Variants in SLC9A2 observed in about 807,000 individuals in gnomAD.
SLC9A2 encodes the protein solute carrier family 9 member A2, also known as sodium/hydrogen exchanger 2.
A neutral mutation model predicts 71.7 loss-of-function variants in SLC9A2; 42 were observed. The observed-to-expected ratio is 0.59, with a 90% confidence interval of 0.46 to 0.76. The LOEUF (loss-of-function observed/expected upper bound fraction) is 0.76, where lower values mean the gene tolerates loss of function less well. Ranked by LOEUF, SLC9A2 falls within the 30% of genes least tolerant of loss-of-function variation. The pLI is 0.00. For missense variants in SLC9A2, 829 were observed against 1,017.4 expected, an observed-to-expected ratio of 0.81 and a Z score of 2.52; for synonymous variants, 396 against 392.5, an observed-to-expected ratio of 1.01 and a Z score of -0.10.
chr2:102,680,367 G>C (rs1272414014), intron 3 of SLC9A2, among the ~76,000 whole-genome samples: 3 of 152,088 alleles, frequency 2.0e-5, no homozygotes, highest in Non-Finnish European at 2.9e-5. Flanking sequence ...AAATATGAAA[G>C]ATGAAGATTT....
At chr2:102,667,965 C>T (rs184425632) in intron 3 of SLC9A2, among the ~76,000 whole-genome samples, 2 of 152,104 alleles carry the variant, frequency 1.3e-5, no homozygotes, top group East Asian at 3.9e-4. Flanking sequence ...ATCCCAGCTA[C>T]TCAGGAGGCT....
intron 1 of SLC9A2, among the ~76,000 whole-genome samples, chr2:102,653,464 C>T (rs1676874213): frequency 6.6e-6 from 1 of 152,200 alleles, no homozygotes; most frequent in Non-Finnish European, 1.5e-5. Context: ...CTAACTGCAT[C>T]CTGCATTTAT....
intron 1 of SLC9A2, among the ~76,000 whole-genome samples, chr2:102,631,995 GATATATATAT>G (rs59553931): frequency 0.039 from 1,667 of 43,242 alleles, 151 homozygotes; most frequent in African/African-American, 0.12. Flanking sequence ...TGAAAGTGGG[GATATATATAT>G]ATATATATAT....
chr2:102,621,294 G>T (rs940919608), intron 1 of SLC9A2, among the ~76,000 whole-genome samples: 1 of 143,942 alleles, frequency 6.9e-6, no homozygotes, highest in African/African-American at 2.6e-5. Flanking sequence ...GTTGCAGTGA[G>T]CCATGAATGG....
chr2:102,624,160 C>G (rs1014000600), intron 1 of SLC9A2, among the ~76,000 whole-genome samples: 7 of 152,090 alleles, frequency 4.6e-5, no homozygotes, highest in African/African-American at 1.7e-4. Context: ...TGAGTATGTG[C>G]TTATGAAGTA....
chr2:102,641,700 C>T (rs922623291), intron 1 of SLC9A2, among the ~76,000 whole-genome samples: 8 of 151,984 alleles, frequency 5.3e-5, no homozygotes, highest in Non-Finnish European at 1.0e-4. Flanking sequence ...CTGTAAACTC[C>T]ATGAGGACAG....
At chr2:102,661,582 G>A (rs1055628674) in intron 2 of SLC9A2, among the ~76,000 whole-genome samples, 9 of 151,980 alleles carry the variant, frequency 5.9e-5, no homozygotes, top group Non-Finnish European at 1.0e-4. Context: ...TTGCACCCTT[G>A]CTTTATATGA....
chr2:102,647,559 C>A (rs1676751117), intron 1 of SLC9A2, among the ~76,000 whole-genome samples: 1 of 152,042 alleles, frequency 6.6e-6, no homozygotes, highest in East Asian at 1.9e-4. Context: ...AATCCAGAAA[C>A]TGGTTTTTTG....
intron 1 of SLC9A2, among the ~76,000 whole-genome samples, chr2:102,644,984 C>A (rs145254141): frequency 6.6e-6 from 1 of 152,290 alleles, no homozygotes; most frequent in South Asian, 2.1e-4. Context: ...GAGTCCCTGA[C>A]CCCCGTGGCT....
At chr2:102,637,272 G>A (rs1373975051) in intron 1 of SLC9A2, among the ~76,000 whole-genome samples, 2 of 152,192 alleles carry the variant, frequency 1.3e-5, no homozygotes, top group African/African-American at 2.4e-5. Context: ...CGAGGATCCT[G>A]TTTCCCACCT....
intron 1 of SLC9A2, among the ~76,000 whole-genome samples, chr2:102,652,167 G>A (rs1027212044): frequency 6.6e-6 from 1 of 152,170 alleles, no homozygotes; most frequent in African/African-American, 2.4e-5. Flanking sequence ...ACATCTGTTT[G>A]GTTTAACTTA....
At chr2:102,626,666 C>A (rs1676255334) in intron 1 of SLC9A2, among the ~76,000 whole-genome samples, 1 of 152,150 alleles carries the variant, frequency 6.6e-6, no homozygotes, top group Non-Finnish European at 1.5e-5. Context: ...TTTTTGCAAT[C>A]TGCTCATCTG....
At chr2:102,637,889 GC>G (rs1020017112) in intron 1 of SLC9A2, among the ~76,000 whole-genome samples, 6 of 152,164 alleles carry the variant, frequency 3.9e-5, no homozygotes, top group Admixed American at 6.5e-5. Context: ...GTCAGTGTGG[GC>G]CCTGTTGGTG....
chr2:102,625,670 A>G (rs1447853608), intron 1 of SLC9A2, among the ~76,000 whole-genome samples: 2 of 152,146 alleles, frequency 1.3e-5, no homozygotes, highest in South Asian at 2.1e-4. Flanking sequence ...TTACAGCTGC[A>G]TAGTATTCCA....
intron 3 of SLC9A2, among the ~76,000 whole-genome samples, chr2:102,666,347 C>T (rs1257715933): frequency 6.6e-6 from 1 of 152,060 alleles, no homozygotes; most frequent in Non-Finnish European, 1.5e-5. Flanking sequence ...AGGCGCCCGC[C>T]ACCACACCGG....
chr2:102,656,351 C>T (rs1410683406), intron 1 of SLC9A2, among the ~76,000 whole-genome samples: 1 of 152,178 alleles, frequency 6.6e-6, no homozygotes, highest in Non-Finnish European at 1.5e-5. Context: ...TAGAGAAGCC[C>T]CTTTATGGCT....
chr2:102,659,774 A>G (rs1016091516), intron 2 of SLC9A2, among the ~76,000 whole-genome samples: 2 of 152,204 alleles, frequency 1.3e-5, no homozygotes, highest in Admixed American at 6.5e-5. Context: ...AACTCATTCT[A>G]ATTTCCAGAG....
chr2:102,705,806 A>T (rs764380314), intron 10 of SLC9A2, 40 bp from the exon 11 acceptor site: 1 of 1,229,358 alleles, frequency 8.1e-7, no homozygotes, highest in South Asian at 1.4e-5. Context: ...AATAAGTGCC[A>T]TTTGTATAGT....
intron 11 of SLC9A2, among the ~76,000 whole-genome samples, chr2:102,707,139 AC>A (rs1677994969): frequency 6.6e-6 from 1 of 152,138 alleles, no homozygotes; most frequent in South Asian, 2.1e-4. Context: ...TTGAAAAATT[AC>A]CCATTGGTAC....
Sources: allele counts gnomAD v4.1 joint callset (sites outside exome capture counted in the v4.1 genomes callset), GRCh38; gene constraint gnomAD v4.1.1; transcripts MANE v1.5; gene names NCBI Gene and HGNC (gene_info 2026-07-23, HGNC 2026-07-21).